The following TRHDE variants were observed in gnomAD, a reference collection of about 807,000 sequenced individuals.
TRHDE encodes the protein thyrotropin releasing hormone degrading enzyme.
In TRHDE, 72 loss-of-function variants were observed where a neutral mutation model predicts 125.7. The ratio of observed to expected loss-of-function variants is 0.57; its 90% confidence interval spans 0.47 to 0.70. The LOEUF (loss-of-function observed/expected upper bound fraction) is 0.70, where lower values mean the gene tolerates loss of function less well. Ranked by LOEUF, TRHDE falls within the 30% of genes least tolerant of loss-of-function variation. The pLI, the probability that TRHDE is intolerant of heterozygous loss-of-function variation, is 0.00. For synonymous variants in TRHDE, 509 were observed against 509.1 expected, an observed-to-expected ratio of 1.00 and a Z score of 0.00; for missense variants, 1,110 against 1,327.1, an observed-to-expected ratio of 0.84 and a Z score of 2.54.
chr12:72,403,872 G>T (rs190430654), intron 3 of TRHDE, among the ~76,000 whole-genome samples: 16 of 152,250 alleles, frequency 1.1e-4, no homozygotes, highest in African/African-American at 3.4e-4. Flanking sequence ...TGGAGTGGAG[G>T]GGGTAGGTCA....
intron 2 of TRHDE, among the ~76,000 whole-genome samples, chr12:72,141,103 T>C (rs560836189): frequency 6.6e-6 from 1 of 152,172 alleles, no homozygotes; most frequent in Non-Finnish European, 1.5e-5. Flanking sequence ...TGGGGCCTAC[T>C]TATATGAAGA....
intron 2 of TRHDE, among the ~76,000 whole-genome samples, chr12:72,142,570 C>A (rs1014064283): frequency 6.6e-6 from 1 of 152,086 alleles, no homozygotes; most frequent in Non-Finnish European, 1.5e-5. Context: ...AAGGTCTCAC[C>A]CTCAAGCCTG....
intron 2 of TRHDE, among the ~76,000 whole-genome samples, chr12:72,145,441 C>T (rs1158806743): frequency 6.6e-6 from 1 of 152,150 alleles, no homozygotes; most frequent in African/African-American, 2.4e-5. Context: ...AATTTCTTCA[C>T]AACACTGCAA....
At chr12:72,356,244 G>A (rs2135745704) in intron 2 of TRHDE, among the ~76,000 whole-genome samples, 1 of 151,774 alleles carries the variant, frequency 6.6e-6, no homozygotes, top group South Asian at 2.1e-4. Context: ...GCAGGAACAT[G>A]GATGGAGCTG....
chr12:72,429,338 CATAATAATA>C (rs57170664), intron 3 of TRHDE, among the ~76,000 whole-genome samples: 126 of 143,392 alleles, frequency 8.8e-4, no homozygotes, highest in Middle Eastern at 3.7e-3. Flanking sequence ...GAATTTAAAG[CATAATAATA>C]ATAATAATAA....
At chr12:72,272,170 G>C (rs778836362), upstream of TRHDE, 41 of 456,218 alleles carry the variant, frequency 9.0e-5, no homozygotes, top group East Asian at 1.3e-3. The surrounding 1 kb of genome is among the most constrained non-coding windows in gnomAD (Gnocchi z 6.7). Context: ...CCGCTGGAGT[G>C]GGGGGAGAAA....
chr12:72,539,133 C>T (rs1255811523), intron 6 of TRHDE, among the ~76,000 whole-genome samples: 1 of 151,882 alleles, frequency 6.6e-6, no homozygotes, highest in African/African-American at 2.4e-5. Context: ...AATAACACTT[C>T]TTTAGACCCT....
intron 2 of TRHDE, among the ~76,000 whole-genome samples, chr12:72,147,038 CTCTT>C (rs956707354): frequency 6.6e-6 from 1 of 152,136 alleles, no homozygotes; most frequent in African/African-American, 2.4e-5. Flanking sequence ...TCACTCTTCT[CTCTT>C]TCTCTGCTGC....
chr12:72,473,647 T>C lies in TRHDE; in HGVS notation c.1584+467T>C, dbSNP rs141866252. Among the ~76,000 whole-genome samples the C allele has an allele frequency of 4.7e-4, 71 of 152,254 alleles. No homozygotes were observed. In the East Asian group the frequency reaches 0.012, roughly 26 times the overall value. ...AATGACTTAATAAGAGGTCATTAAT[T>C]TTATATATGAAGTTATTCATATTAT... On this transcript the variant is annotated intron_variant, in intron 5 of 18. Transcript: ENST00000261180.
chr12:72,136,093 A>G (rs1261018769), intron 2 of TRHDE, among the ~76,000 whole-genome samples: 5 of 152,288 alleles, frequency 3.3e-5, no homozygotes, highest in South Asian at 2.1e-4. Flanking sequence ...AGATATTTCT[A>G]AAATTTCTGA....
intron 2 of TRHDE, among the ~76,000 whole-genome samples, chr12:72,175,755 C>T (rs985230354): frequency 6.6e-6 from 1 of 152,164 alleles, no homozygotes; most frequent in African/African-American, 2.4e-5. Context: ...CTAAGGTAAA[C>T]AAGATCATGA....
intron 6 of TRHDE, among the ~76,000 whole-genome samples, chr12:72,502,328 C>T (rs1878192104): frequency 6.6e-6 from 1 of 152,012 alleles, no homozygotes; most frequent in African/African-American, 2.4e-5. Flanking sequence ...CTTAGGAAAT[C>T]TCCCAAATTT....
chr12:72,421,368 T>C (rs1007540141), intron 3 of TRHDE, among the ~76,000 whole-genome samples: 1 of 152,144 alleles, frequency 6.6e-6, no homozygotes, highest in Non-Finnish European at 1.5e-5. Flanking sequence ...ACTTGAAGCC[T>C]GAGCTCAGCT....
chr12:72,298,242 T>C (rs1291709723), intron 2 of TRHDE, among the ~76,000 whole-genome samples: 2 of 152,154 alleles, frequency 1.3e-5, no homozygotes, highest in Non-Finnish European at 2.9e-5. Flanking sequence ...ATGTGTGTGA[T>C]AGATTGCATG....
intron 2 of TRHDE, among the ~76,000 whole-genome samples, chr12:72,330,556 G>A (rs1356182167): frequency 6.6e-6 from 1 of 152,116 alleles, no homozygotes; most frequent in Admixed American, 6.5e-5. Context: ...AGACCCACTG[G>A]TGTACGTAGG....
chr12:72,243,965 A>G (rs1179561704), intron 2 of TRHDE, among the ~76,000 whole-genome samples: 1 of 152,146 alleles, frequency 6.6e-6, no homozygotes, highest in Non-Finnish European at 1.5e-5. Flanking sequence ...TCGCCCACAG[A>G]CCAGGTGTGT....
intron 3 of TRHDE, among the ~76,000 whole-genome samples, chr12:72,440,817 A>G (rs1286500713): frequency 2.0e-5 from 3 of 151,938 alleles, no homozygotes; most frequent in Non-Finnish European, 4.4e-5. Context: ...TCACAGGTAG[A>G]TGTTTGGTAA....
intron 6 of TRHDE, among the ~76,000 whole-genome samples, chr12:72,517,492 C>T (rs1878936420): frequency 1.3e-5 from 2 of 152,012 alleles, no homozygotes; most frequent in Admixed American, 6.6e-5. Flanking sequence ...GTGGTGATAT[C>T]CCCTTTATCA....
At chr12:72,423,036 T>C (rs1874026432) in intron 3 of TRHDE, among the ~76,000 whole-genome samples, 1 of 152,206 alleles carries the variant, frequency 6.6e-6, no homozygotes, top group South Asian at 2.1e-4. Flanking sequence ...CTCAGAGTTC[T>C]TTTGACTCTG....
Sources: allele counts gnomAD v4.1 joint callset (sites outside exome capture counted in the v4.1 genomes callset), GRCh38; gene constraint gnomAD v4.1.1; non-coding constraint Gnocchi (gnomAD v3.1); transcripts MANE v1.5; gene names NCBI Gene and HGNC (gene_info 2026-07-23, HGNC 2026-07-21).